Variants in TNFAIP8L3 observed in about 807,000 individuals in gnomAD.
TNFAIP8L3 encodes TNF alpha induced protein 8 like 3.
TNFAIP8L3 carries 7 observed loss-of-function variants against 11.8 expected under a neutral mutation model. The ratio of observed to expected loss-of-function variants is 0.59; its 90% CI spans 0.34 to 1.11. TNFAIP8L3 has a LOEUF of 1.11. Among genes scored for constraint, TNFAIP8L3 ranks in the 50% most tolerant of loss-of-function variants. The pLI is 0.03. For synonymous variants in TNFAIP8L3, 98 were observed against 103.8 expected (o/e 0.94, Z 0.34); for missense variants, 219 against 258.6 (o/e 0.85, Z 1.05).
Position 51,058,059 on chromosome 15 carries a change from T to G in TNFAIP8L3, c.437A>C (p.His146Pro). 1 of 1,614,144 alleles carries G rather than the reference T, an allele frequency of 6.2e-7. No individual in the cohort carries two copies. Among genetic ancestry groups the G allele is most frequent in the Non-Finnish European group, 8.5e-7 (1 of 1,180,008 alleles). ...NLLHECKDLV[H>P]ELVQRHLTPR... is the part of the protein sequence containing the mutation. ...CGTCAGGTGCCGCTGCACCAGTTCA[T>G]GCACCAGGTCCTTGCACTCATGCAG... Residue 146 changes from histidine (H) to proline (P), a missense_variant, in exon 2 of 2, where the codon CAT becomes CCT. By Grantham distance (77) the His-to-Pro change is moderately conservative. Coordinates refer to ENST00000637513, the MANE Select transcript of TNFAIP8L3 (RefSeq NM_001311175.2).
In TNFAIP8L3 at chr15:51,071,428, A is replaced by G. The variant is rs923551093; in HGVS notation, c.53-12985T>C. Among the ~76,000 whole-genome samples the G allele has an allele frequency of 4.6e-5, 7 of 151,830 alleles. No individual in the cohort carries two copies. In the East Asian group the frequency reaches 1.2e-3, roughly 25 times the overall value. On this transcript the variant is annotated intron_variant, in intron 1 of 1. Coordinates refer to ENST00000637513, the MANE Select transcript of TNFAIP8L3 (RefSeq NM_001311175.2). The stretch of plus-strand genomic sequence containing the variant: ...ACTACAGAAGTTGTATTTTTTTTTC[A>G]TCTATCCACGTTTTTATGCTTTTGT...
chr15:51,080,195 T>C (rs2065381755), intron 1 of TNFAIP8L3, among the ~76,000 whole-genome samples: 1 of 152,258 alleles, frequency 6.6e-6, no homozygotes, highest in South Asian at 2.1e-4. Context: ...ATTACTATGA[T>C]TTAGCTATCA....
At chr15:51,082,457 A>G (rs1457349653) in intron 1 of TNFAIP8L3, among the ~76,000 whole-genome samples, 6 of 152,174 alleles carry the variant, frequency 3.9e-5, no homozygotes, top group Non-Finnish European at 7.4e-5. Flanking sequence ...ATGAGTGGAG[A>G]GTGAATGTGG....
chr15:51,059,546 T>A (rs1296970204), intron 1 of TNFAIP8L3, among the ~76,000 whole-genome samples: 1 of 152,236 alleles, frequency 6.6e-6, no homozygotes, highest in Non-Finnish European at 1.5e-5. Context: ...CTCTACAGTA[T>A]GTATGTATAT....
chr15:51,064,982 AG>A, intron 1 of TNFAIP8L3, among the ~76,000 whole-genome samples: 1 of 152,342 alleles, frequency 6.6e-6, no homozygotes, highest in Non-Finnish European at 1.5e-5. Flanking sequence ...TACAAGTCCT[AG>A]GAAAGCTCTT....
intron 1 of TNFAIP8L3, among the ~76,000 whole-genome samples, chr15:51,084,578 CAT>C (rs964219962): frequency 2.0e-5 from 3 of 152,148 alleles, no homozygotes; most frequent in Non-Finnish European, 2.9e-5. Context: ...GCTATGAGAA[CAT>C]GTGTGGAGGA....
chr15:51,057,756 G>C lies in TNFAIP8L3; in HGVS notation c.*125C>G. 1.2e-6 allele frequency: 1 copy of C among 813,406 alleles called. No individual in the cohort carries two copies. The highest frequency in any genetic ancestry group is 1.9e-6 in the Non-Finnish European group (1 of 524,602). 50.4% of individuals were successfully genotyped at this position (813,406 alleles called of 1,614,324 possible). Reference sequence around the variant, plus strand: ...GTTCAGCATCAGAATCAGCATCAGAGGGATGAACAGGAAAGAACATGGACA... The same window carrying C: ...GTTCAGCATCAGAATCAGCATCAGACGGATGAACAGGAAAGAACATGGACA... On this transcript the variant is annotated 3_prime_UTR_variant, in exon 2 of 2. Transcript: ENST00000637513.
At position 51,065,168 on chromosome 15, in the gene TNFAIP8L3, A is replaced by G. The variant is rs532647585; in HGVS notation, c.53-6725T>C. Among the ~76,000 whole-genome samples the G allele has an allele frequency of 5.9e-5, 9 of 152,374 alleles. No individual in the cohort carries two copies. The South Asian group carries it at 1.4e-3, about 25-fold the overall frequency. Reference sequence around the variant, plus strand: ...AAAGACAGGGGGCTTCCTTAAACCAAGATTGATAGAAGAGCTCAATCAAAG... The same window carrying G: ...AAAGACAGGGGGCTTCCTTAAACCAGGATTGATAGAAGAGCTCAATCAAAG... On this transcript the variant is annotated intron_variant, in intron 1 of 1. Coordinates refer to ENST00000637513, the MANE Select transcript of TNFAIP8L3 (RefSeq NM_001311175.2).
intron 1 of TNFAIP8L3, among the ~76,000 whole-genome samples, chr15:51,075,083 A>T (rs2065340213): frequency 6.6e-6 from 1 of 152,210 alleles, no homozygotes; most frequent in Admixed American, 6.5e-5. Context: ...TAAATGAATG[A>T]CTGATGAATG....
Position 51,084,820 on chromosome 15 carries a change from C to A in TNFAIP8L3, c.52+9724G>T, listed in dbSNP as rs1441534393. ...ACAACTTTGGGAGCCTTTAGCTTCC[C>A]AAAAGCTTACAGCTATTGTTATAAG... On this transcript the variant is annotated intron_variant, in intron 1 of 1. Transcript: ENST00000637513. Among the ~76,000 whole-genome samples the A allele has an allele frequency of 2.0e-5, 3 of 152,074 alleles. No individual in the cohort carries two copies. In the East Asian group the frequency reaches 5.8e-4, roughly 29 times the overall value.
chr15:51,093,461 T>G (rs1415615167), intron 1 of TNFAIP8L3, among the ~76,000 whole-genome samples: 1 of 152,250 alleles, frequency 6.6e-6, no homozygotes, highest in Non-Finnish European at 1.5e-5. Flanking sequence ...CGCAGGGCAC[T>G]GTCCTGCTTG....
In TNFAIP8L3 at chr15:51,090,460, G is replaced by A. The variant is rs143578222; in HGVS notation, c.52+4084C>T. Among the ~76,000 whole-genome samples, 1,028 of 152,222 alleles carry A rather than the reference G, an allele frequency of 6.8e-3. 16 individuals carry two copies. Among genetic ancestry groups the A allele is most frequent in the African/African-American group, 0.024 (982 of 41,528 alleles). Reference sequence around the variant, plus strand: ...GTCACATCTCTGCTCAAGAATCATGGGGGCTCCAGAAGCCCTGCCAAGACC... The same window carrying A: ...GTCACATCTCTGCTCAAGAATCATGAGGGCTCCAGAAGCCCTGCCAAGACC... On this transcript the variant is annotated intron_variant, in intron 1 of 1. Transcript: ENST00000637513.
At chr15:51,066,958 G>C (rs184555547) in intron 1 of TNFAIP8L3, among the ~76,000 whole-genome samples, 223 of 152,228 alleles carry the variant, frequency 1.5e-3, no homozygotes, top group Admixed American at 5.5e-3. Flanking sequence ...AAAGAACATG[G>C]AGCTGGAGGA....
Position 51,058,258 on chromosome 15 carries a change from C to A in TNFAIP8L3, c.238G>T (p.Asp80Tyr), listed in dbSNP as rs2065219477. 6.2e-7 allele frequency: 1 copy of A among 1,614,060 alleles called. No individual in the cohort carries two copies. Among genetic ancestry groups the A allele is most frequent in the African/African-American group, 1.3e-5 (1 of 74,914 alleles). The change falls in exon 2 of 2, where the codon GAC becomes TAC. Residue 80 changes from aspartate to tyrosine, a missense_variant. Transcript: ENST00000637513. Reference protein sequence around the residue: ...NKKEAHKIMKDLIKVAIKIGI... With the variant: ...NKKEAHKIMKYLIKVAIKIGI... Reference sequence around the variant, plus strand: ...ATTTTGATCGCCACCTTGATTAAGTCTTTCATGATCTTGTGGGCTTCCTTC... The same window carrying A: ...ATTTTGATCGCCACCTTGATTAAGTATTTCATGATCTTGTGGGCTTCCTTC...
Position 51,094,798 on chromosome 15 carries a change from G to C in TNFAIP8L3, c.-203C>G, listed in dbSNP as rs1335316868. 2 of 738,554 alleles carry C rather than the reference G, an allele frequency of 2.7e-6. No homozygotes were observed. Among genetic ancestry groups the C allele is most frequent in the South Asian group, 6.1e-5 (1 of 16,322 alleles). The allele number at this position is 738,554 out of a possible 1,614,324, so 45.8% of individuals were successfully genotyped here. On this transcript the variant is annotated 5_prime_UTR_variant, in exon 1 of 2. Transcript: ENST00000637513. This position sits in a 1 kb window ranked among gnomAD's most constrained non-coding sequence, Gnocchi z 4.4. The stretch of plus-strand genomic sequence containing the variant: ...CCGCGCCCCGCTCCCCGCGCCCGCC[G>C]GCCGGTGCCTGCGCGCGAGGCGAGC...
chr15:51,094,975 C>T (rs1170516691), upstream of TNFAIP8L3, among the ~76,000 whole-genome samples: 1 of 151,904 alleles, frequency 6.6e-6, no homozygotes, highest in African/African-American at 2.4e-5. This position sits in a 1 kb window ranked among gnomAD's most constrained non-coding sequence, Gnocchi z 4.4. Flanking sequence ...CCGCGCCCTG[C>T]GTCGGAGCCC....
At chr15:51,103,154 C>T (rs774273844) in intron 1 of TNFAIP8L3, among the ~76,000 whole-genome samples, 7 of 152,184 alleles carry the variant, frequency 4.6e-5, no homozygotes, top group African/African-American at 9.7e-5. Context: ...TCCCTCCCTT[C>T]GGTGTTCAAA....
At chr15:51,093,785 G>A (rs1487469904) in intron 1 of TNFAIP8L3, among the ~76,000 whole-genome samples, 2 of 152,218 alleles carry the variant, frequency 1.3e-5, no homozygotes, top group Non-Finnish European at 2.9e-5. Flanking sequence ...ACCCACGGCT[G>A]TGGGTGGCTT....
intron 1 of TNFAIP8L3, chr15:51,104,961 G>A (rs774330266): frequency 1.3e-5 from 21 of 1,612,120 alleles, no homozygotes; most frequent in Admixed American, 5.0e-5. Flanking sequence ...AAGCCTCCCC[G>A]CCCCTATACT....
Sources: gnomAD v4.1 joint callset for allele counts (sites outside exome capture counted in the v4.1 genomes callset) on GRCh38, gnomAD v4.1.1 for gene constraint, Gnocchi (gnomAD v3.1) non-coding constraint, MANE v1.5 for transcripts, NCBI Gene and HGNC (gene_info 2026-07-23, HGNC 2026-07-21) for gene names.